TMTC2: variants seen among roughly 807,000 people sequenced by gnomAD.
The protein encoded by TMTC2 is protein O-mannosyl-transferase TMTC2.
In TMTC2, 43 loss-of-function variants were observed where a neutral mutation model predicts 82.4. That is an observed-to-expected ratio of 0.52 (90% CI 0.41 to 0.67). The LOEUF is 0.67. Among genes scored for constraint, TMTC2 ranks in the 30% least tolerant of loss-of-function variants. The pLI, the probability that TMTC2 is intolerant of heterozygous loss-of-function variation, is 0.00. For missense variants in TMTC2, 919 were observed against 1,012.4 expected, an observed-to-expected ratio of 0.91 and a Z score of 1.25; for synonymous variants, 408 against 381.9, an observed-to-expected ratio of 1.07 and a Z score of -0.80.
chr12:82,962,159 T>C (rs929346746), intron 4 of TMTC2, among the ~76,000 whole-genome samples: 5 of 151,982 alleles, frequency 3.3e-5, no homozygotes, highest in African/African-American at 9.7e-5. Context: ...TTTGTATATT[T>C]TATGAATTGG....
At position 82,885,937 on chromosome 12, in the gene TMTC2, G is replaced by T. The variant is rs144953243; in HGVS notation, c.655-9881G>T. 4.0e-3 allele frequency among the ~76,000 whole-genome samples: 602 copies of T among 152,188 alleles called. 8 individuals are homozygous for T. The highest frequency in any genetic ancestry group is 0.014 in the African/African-American group (576 of 41,518). Reference sequence around the variant, plus strand: ...TGGGAATTATGCTCCCCTTTTTTGAGGTTGGAGAATATATATAAGTTATTT... The same window carrying T: ...TGGGAATTATGCTCCCCTTTTTTGATGTTGGAGAATATATATAAGTTATTT... On this transcript the variant is annotated intron_variant, in intron 2 of 11. Coordinates refer to ENST00000321196, the MANE Select transcript of TMTC2 (RefSeq NM_152588.3).
At chr12:83,097,577 A>G (rs1884072011) in intron 11 of TMTC2, among the ~76,000 whole-genome samples, 1 of 152,246 alleles carries the variant, frequency 6.6e-6, no homozygotes, top group South Asian at 2.1e-4. Context: ...GCAGTAAAAA[A>G]GTAAGTACAG....
chr12:82,876,147 G>GGTGGTGGTA (rs1278790111), intron 2 of TMTC2, among the ~76,000 whole-genome samples: 18 of 146,450 alleles, frequency 1.2e-4, no homozygotes, highest in South Asian at 2.1e-4. Context: ...TGGTGGTGGT[G>GGTGGTGGTA]GTGGTGGTAG....
At chr12:83,129,941 C>G (rs1160842181) in intron 11 of TMTC2, among the ~76,000 whole-genome samples, 2 of 152,072 alleles carry the variant, frequency 1.3e-5, no homozygotes, top group Non-Finnish European at 2.9e-5. Context: ...TTTTAATAAT[C>G]CCTTTGAGTT....
At chr12:82,691,321 T>G (rs1279029020) in intron 1 of TMTC2, among the ~76,000 whole-genome samples, 1 of 149,724 alleles carries the variant, frequency 6.7e-6, no homozygotes, top group Non-Finnish European at 1.5e-5. Context: ...TATTCCACTG[T>G]GCAGTAATTT....
chr12:82,915,750 A>T (rs1265649333), intron 3 of TMTC2, among the ~76,000 whole-genome samples: 1 of 152,234 alleles, frequency 6.6e-6, no homozygotes, highest in Non-Finnish European at 1.5e-5. Flanking sequence ...ACCAAACTCA[A>T]ATGATCCCAA....
At chr12:82,876,037 T>TGGTGGCGGTGGTGGTGGTGGC (rs1555193433) in intron 2 of TMTC2, among the ~76,000 whole-genome samples, 1 of 97,196 alleles carries the variant, frequency 1.0e-5, no homozygotes, top group Non-Finnish European at 2.0e-5. Flanking sequence ...GCGGTGGTGG[T>TGGTGGCGGTGGTGGTGGTGGC]GGTGGTGGTG....
chr12:83,067,611 G>A (rs1882966225), intron 11 of TMTC2, among the ~76,000 whole-genome samples: 2 of 152,112 alleles, frequency 1.3e-5, no homozygotes, highest in South Asian at 4.1e-4. Context: ...TTGGTTATCT[G>A]CTAATCCTGT....
intron 11 of TMTC2, among the ~76,000 whole-genome samples, chr12:83,081,113 T>C (rs545376970): frequency 5.0e-4 from 76 of 152,320 alleles, no homozygotes; most frequent in African/African-American, 1.8e-3. Flanking sequence ...TTTATCAAGA[T>C]TATAAGTCTG....
chr12:82,704,924 A>G (rs1345753017), intron 1 of TMTC2, among the ~76,000 whole-genome samples: 1 of 152,226 alleles, frequency 6.6e-6, no homozygotes, highest in Non-Finnish European at 1.5e-5. Flanking sequence ...AATGGCAAAA[A>G]TGTGGAACCA....
intron 1 of TMTC2, among the ~76,000 whole-genome samples, chr12:82,809,894 C>T (rs989595453): frequency 1.3e-5 from 2 of 152,048 alleles, no homozygotes; most frequent in African/African-American, 2.4e-5. Flanking sequence ...TTTCATCAGC[C>T]GTTTTTTATT....
intron 9 of TMTC2, among the ~76,000 whole-genome samples, chr12:83,043,249 C>G (rs745809611): frequency 3.3e-5 from 5 of 152,190 alleles, no homozygotes; most frequent in Non-Finnish European, 7.3e-5. Context: ...AGCTACCACT[C>G]TTTAGTAGTA....
At chr12:82,945,420 G>A (rs534623570) in intron 4 of TMTC2, among the ~76,000 whole-genome samples, 2 of 152,194 alleles carry the variant, frequency 1.3e-5, no homozygotes, top group East Asian at 3.9e-4. Context: ...GTAAATTTGA[G>A]GGCATATATT....
At chr12:82,887,553 A>G (rs1417584503) in intron 2 of TMTC2, among the ~76,000 whole-genome samples, 1 of 152,160 alleles carries the variant, frequency 6.6e-6, no homozygotes, top group African/African-American at 2.4e-5. Flanking sequence ...ATTAAGCTAT[A>G]GTTATATACT....
chr12:83,003,829 A>T (rs960394601), intron 8 of TMTC2, among the ~76,000 whole-genome samples: 2 of 152,060 alleles, frequency 1.3e-5, no homozygotes, highest in African/African-American at 4.8e-5. Context: ...GTAGAACCTG[A>T]TGACTGTGTC....
At chr12:82,863,775 A>G (rs1871673001) in intron 2 of TMTC2, among the ~76,000 whole-genome samples, 1 of 152,212 alleles carries the variant, frequency 6.6e-6, no homozygotes, top group Non-Finnish European at 1.5e-5. Flanking sequence ...CAAGCGCTAT[A>G]GTAGGCGATG....
chr12:82,915,601 G>T (rs1874955013), intron 3 of TMTC2, among the ~76,000 whole-genome samples: 1 of 152,190 alleles, frequency 6.6e-6, no homozygotes, highest in South Asian at 2.1e-4. Context: ...TGTGGTTTGG[G>T]CGATAAAATT....
intron 1 of TMTC2, among the ~76,000 whole-genome samples, chr12:82,819,390 G>A (rs1308916280): frequency 6.6e-6 from 1 of 151,452 alleles, no homozygotes; most frequent in African/African-American, 2.4e-5. Flanking sequence ...TTTTTCTCTG[G>A]CATACTTATA....
intron 1 of TMTC2, among the ~76,000 whole-genome samples, chr12:82,784,174 A>G (rs1268220224): frequency 6.6e-6 from 1 of 152,096 alleles, no homozygotes; most frequent in Non-Finnish European, 1.5e-5. Flanking sequence ...TATATTTTGA[A>G]TATTGTAAGT....
Sources: gnomAD v4.1 joint callset for allele counts (sites outside exome capture counted in the v4.1 genomes callset) on GRCh38, gnomAD v4.1.1 for gene constraint, MANE v1.5 for transcripts, NCBI Gene and HGNC (gene_info 2026-07-23, HGNC 2026-07-21) for gene names.